Variants in REV3L observed in about 807,000 individuals in gnomAD.
REV3L encodes the protein REV3 like, DNA directed polymerase zeta catalytic subunit.
In REV3L, 69 loss-of-function variants were observed where a neutral mutation model predicts 299.4. The ratio of observed to expected loss-of-function variants is 0.23; its 90% CI spans 0.19 to 0.28. The LOEUF is 0.28. REV3L is among the 10% of genes least tolerant of loss of function. The pLI is 1.00. For missense variants in REV3L, 3,128 were observed against 3,693.8 expected, an observed-to-expected ratio of 0.85 and a Z score of 3.97; for synonymous variants, 1,238 against 1,271.4, an observed-to-expected ratio of 0.97 and a Z score of 0.56.
rs1408618201 is a variant in REV3L, at chr6:111,299,272, CA to C, written c.*743del. On this transcript the variant is annotated 3_prime_UTR_variant, in exon 32 of 32. Transcript: ENST00000368802. ...TTTAGAAGCAATAGAAATGTCTATA[CA>C]AAACAAGCAAATGGAATAAAATTTT... is the stretch of plus-strand genomic sequence containing the variant. The C allele has an allele frequency of 1.3e-5, 2 of 152,404 alleles. No homozygotes were observed. The highest frequency in any genetic ancestry group is 1.3e-4 in the Admixed American group (2 of 15,260). The allele number at this position is 152,404 out of a possible 1,614,324, so 9.4% of individuals were successfully genotyped here.
chr6:111,388,474 T>C (rs1007181862), intron 7 of REV3L, among the ~76,000 whole-genome samples: 7 of 152,214 alleles, frequency 4.6e-5, no homozygotes, highest in South Asian at 4.1e-4. Context: ...ATAATTTTAA[T>C]TGAACTTCAA....
At chr6:111,427,522 C>G (rs1786323894) in intron 1 of REV3L, among the ~76,000 whole-genome samples, 1 of 152,100 alleles carries the variant, frequency 6.6e-6, no homozygotes, top group Non-Finnish European at 1.5e-5. Flanking sequence ...GAGCAATATC[C>G]CGAACTCAAA....
In REV3L at chr6:111,299,847, C is replaced by T. The variant is rs1174599308; in HGVS notation, c.*169G>A. 3 of 545,652 alleles carry T rather than the reference C, an allele frequency of 5.5e-6. No individual in the cohort carries two copies. Among genetic ancestry groups the T allele is most frequent in the Non-Finnish European group, 9.2e-6 (3 of 325,132 alleles). The allele number at this position is 545,652 out of a possible 1,614,324, so 33.8% of individuals were successfully genotyped here. ...TGTACATTGTAAGAAGTGAGCTATT[C>T]AGAGATCAACAAGTACATTTTAATT... On this transcript the variant is annotated 3_prime_UTR_variant, in exon 32 of 32. Transcript: ENST00000368802.
At chr6:111,307,730 CTG>C in intron 30 of REV3L, 160 bp from the exon 31 acceptor site, 1 of 629,092 alleles carries the variant, frequency 1.6e-6, no homozygotes, top group Non-Finnish European at 2.8e-6. Flanking sequence ...GTTCCAGACA[CTG>C]GAGCTACAGA....
chr6:111,355,488 G>A (rs1777995629), intron 18 of REV3L, among the ~76,000 whole-genome samples: 1 of 152,102 alleles, frequency 6.6e-6, no homozygotes, highest in South Asian at 2.1e-4. Flanking sequence ...AATATATAAA[G>A]AACACTATAG....
chr6:111,436,847 A>G (rs1007811844), intron 1 of REV3L, among the ~76,000 whole-genome samples: 8 of 152,246 alleles, frequency 5.3e-5, no homozygotes, highest in African/African-American at 1.9e-4. Context: ...CACTGATTTG[A>G]TCTTTACAAA....
At chr6:111,329,797 A>AG in intron 24 of REV3L, 59 bp from the exon 25 acceptor site, 7 of 1,298,342 alleles carry the variant, frequency 5.4e-6, no homozygotes, top group Non-Finnish European at 7.6e-6. Context: ...TACATAATTA[A>AG]GAAGGAAGCA....
intron 12 of REV3L, among the ~76,000 whole-genome samples, chr6:111,377,399 C>T (rs1048804495): frequency 2.0e-5 from 3 of 152,080 alleles, no homozygotes; most frequent in African/African-American, 7.2e-5. Context: ...TGCCATGGAG[C>T]AATCACAGCT....
Position 111,380,092 on chromosome 6 carries a change from A to G in REV3L, c.1344T>C (p.Asn448=). The G allele has an allele frequency of 1.2e-6, 2 of 1,613,726 alleles. No individual in the cohort carries two copies. Among genetic ancestry groups the G allele is most frequent in the South Asian group, 1.1e-5 (1 of 91,072 alleles). The part of the protein sequence containing the change: ...RSFGNNKYPQ[N]SDDEENEPQI... The stretch of plus-strand genomic sequence containing the variant: ...GTGGTTCATTTTCTTCATCATCACT[A>G]TTTTGTGGATATTTATTATTTCCAA... The change falls in exon 11 of 32, where the codon AAT becomes AAC. Residue 448 remains asparagine, a synonymous_variant. Coordinates refer to ENST00000368802, the MANE Select transcript of REV3L (RefSeq NM_001372078.1).
intron 1 of REV3L, among the ~76,000 whole-genome samples, chr6:111,475,006 C>T (rs1334939392): frequency 6.6e-6 from 1 of 151,802 alleles, no homozygotes; most frequent in African/African-American, 2.4e-5. Context: ...CACACACACA[C>T]ACACACACAC....
chr6:111,389,323 G>A (rs2128252829), intron 6 of REV3L, 113 bp from the exon 7 acceptor site: 2 of 768,260 alleles, frequency 2.6e-6, no homozygotes, highest in Non-Finnish European at 4.3e-6. Flanking sequence ...CATATTTTGT[G>A]TAATAAAGTG....
Position 111,431,285 on chromosome 6 carries a change from G to A in REV3L, c.140-14813C>T, listed in dbSNP as rs1786894892. 14 of 1,360,182 alleles carry A rather than the reference G, an allele frequency of 1.0e-5. No individual in the cohort carries two copies. The Admixed American group carries it at 2.2e-4, about 21-fold the overall frequency. 84.3% of individuals were successfully genotyped at this position (1,360,182 alleles called of 1,614,324 possible). A position where few individuals can be genotyped will look rare whatever the true frequency, so the allele number is the denominator to read the frequency against. ...TAGATGTCACTGCCTGAAGATGGAA[G>A]GCCATACTAGGACACCTGACACAGC... On this transcript the variant is annotated intron_variant, in intron 1 of 31. Transcript: ENST00000368802.
intron 9 of REV3L, among the ~76,000 whole-genome samples, chr6:111,386,383 T>G (rs1344941210): frequency 6.6e-6 from 1 of 152,088 alleles, no homozygotes; most frequent in East Asian, 1.9e-4. Context: ...TAACGAAAAT[T>G]AAAACCACAG....
At chr6:111,411,576 T>A in intron 2 of REV3L, 22 bp from the exon 3 acceptor site, 1 of 1,415,228 alleles carries the variant, frequency 7.1e-7, no homozygotes, top group African/African-American at 1.4e-5. Flanking sequence ...GAAAAAAAAT[T>A]TCAAATTATT....
chr6:111,380,354 G>A (rs1203183126), intron 10 of REV3L, 135 bp from the exon 11 acceptor site: 1 of 623,740 alleles, frequency 1.6e-6, no homozygotes, highest in Non-Finnish European at 2.8e-6. Flanking sequence ...CTGCCTCCTG[G>A]GTTCATGCCA....
intron 1 of REV3L, among the ~76,000 whole-genome samples, chr6:111,432,483 GTC>G (rs1787055406): frequency 6.6e-6 from 1 of 152,184 alleles, no homozygotes; most frequent in Non-Finnish European, 1.5e-5. Flanking sequence ...TGATAAAAGG[GTC>G]AATTCAGCAA....
In REV3L at chr6:111,374,794, A is replaced by T. The variant is rs747970534; in HGVS notation, c.3561T>A (p.Val1187=). The T allele has an allele frequency of 1.2e-6, 2 of 1,611,986 alleles. No homozygotes were observed. Among genetic ancestry groups the T allele is most frequent in the Non-Finnish European group, 1.7e-6 (2 of 1,179,512 alleles). The stretch of plus-strand genomic sequence containing the variant: ...GATTTCGTTTGTTCCTTTTCTTAGT[A>T]ACTATAGAGGGATTAGCAAGCTTTG... ...SKAKLANPSI[V]TKKRNKRNQT... The change falls in exon 13 of 32, where the codon GTT becomes GTA. Residue 1187 remains valine (V), a synonymous_variant. Coordinates refer to ENST00000368802, the MANE Select transcript of REV3L (RefSeq NM_001372078.1).
At chr6:111,305,833 T>C (rs775929813) in intron 31 of REV3L, among the ~76,000 whole-genome samples, 2 of 151,722 alleles carry the variant, frequency 1.3e-5, no homozygotes, top group African/African-American at 4.8e-5. Flanking sequence ...TCTATGAGAG[T>C]TGGCTGCTGC....
chr6:111,325,173 A>G (rs1774644327), intron 25 of REV3L, among the ~76,000 whole-genome samples: 1 of 152,242 alleles, frequency 6.6e-6, no homozygotes, highest in Non-Finnish European at 1.5e-5. Context: ...AAAAGTCTTA[A>G]TAAAAACAAA....
Sources: allele counts gnomAD v4.1 joint callset (sites outside exome capture counted in the v4.1 genomes callset), GRCh38; gene constraint gnomAD v4.1.1; transcripts MANE v1.5; gene names NCBI Gene and HGNC (gene_info 2026-07-23, HGNC 2026-07-21).